STIM1: variants seen among roughly 807,000 people sequenced by gnomAD.
STIM1 encodes the protein stromal interaction molecule 1.
A neutral mutation model predicts 74.7 loss-of-function variants in STIM1; 25 were observed. That is an observed-to-expected ratio of 0.33 (90% CI 0.24 to 0.47). The LOEUF (loss-of-function observed/expected upper bound fraction) is 0.47, where lower values mean the gene tolerates loss of function less well. Ranked by LOEUF, STIM1 falls within the 20% of genes least tolerant of loss-of-function variation. The pLI, the probability that STIM1 is intolerant of heterozygous loss-of-function variation, is 1.00. For synonymous variants in STIM1, 328 were observed against 348.8 expected (o/e 0.94, Z 0.66); for missense variants, 728 against 920.8 (o/e 0.79, Z 2.71).
intron 1 of STIM1, among the ~76,000 whole-genome samples, chr11:3,948,778 A>C (rs1443579715): frequency 1.3e-5 from 2 of 152,156 alleles, no homozygotes; most frequent in Non-Finnish European, 1.5e-5. Flanking sequence ...CTAAATCTCC[A>C]GTTCTACCAT....
At chr11:3,877,633 G>C (rs1008029913) in intron 1 of STIM1, among the ~76,000 whole-genome samples, 1 of 152,150 alleles carries the variant, frequency 6.6e-6, no homozygotes, top group Non-Finnish European at 1.5e-5. Context: ...GGGTTAATCA[G>C]GTATTTATAA....
In STIM1 at chr11:3,961,206, T is replaced by G. The variant is rs577099233; in HGVS notation, c.140-6346T>G. On this transcript the variant is annotated intron_variant, in intron 1 of 12. Transcript: ENST00000526596. ...GGTCTCACTATGTTGCCCAGACAGA[T>G]TTTGAACTCCTGGGCTCAAGCAATG... 10 of 174,130 alleles carry G rather than the reference T, an allele frequency of 5.7e-5. No homozygotes were observed. In the South Asian group the frequency reaches 1.2e-3, roughly 21 times the overall value. 10.8% of individuals were successfully genotyped at this position (174,130 alleles called of 1,614,324 possible).
intron 1 of STIM1, among the ~76,000 whole-genome samples, chr11:3,895,683 C>CTTTCTT (rs1491307323): frequency 2.6e-5 from 1 of 37,964 alleles, no homozygotes; most frequent in African/African-American, 1.3e-4. Context: ...TCCTTCCTTC[C>CTTTCTT]TTCTTTCTTT....
intron 1 of STIM1, among the ~76,000 whole-genome samples, chr11:3,936,863 T>C (rs896097990): frequency 6.6e-6 from 1 of 152,196 alleles, no homozygotes; most frequent in Non-Finnish European, 1.5e-5. Context: ...CAACTTGTTT[T>C]TCTTTGTGGC....
At chr11:4,085,974 T>A (rs2094490985) in intron 11 of STIM1, among the ~76,000 whole-genome samples, 1 of 152,258 alleles carries the variant, frequency 6.6e-6, no homozygotes, top group Admixed American at 6.5e-5. Flanking sequence ...TGTTATCATT[T>A]TCCCATTGTT....
At chr11:4,057,697 C>T (rs1240340062) in intron 4 of STIM1, among the ~76,000 whole-genome samples, 1 of 151,908 alleles carries the variant, frequency 6.6e-6, no homozygotes, top group Admixed American at 6.6e-5. Context: ...GGTGAAACCC[C>T]GTCTCTACTA....
chr11:4,037,248 G>A (rs191774307), intron 3 of STIM1, among the ~76,000 whole-genome samples: 8 of 152,158 alleles, frequency 5.3e-5, no homozygotes, highest in African/African-American at 1.9e-4. Flanking sequence ...TAGAGACAGG[G>A]TTTCACCATG....
chr11:4,084,264 T>A (rs1487499414), intron 10 of STIM1, among the ~76,000 whole-genome samples: 1 of 152,260 alleles, frequency 6.6e-6, no homozygotes, highest in East Asian at 1.9e-4. Flanking sequence ...GGTAAAGCTA[T>A]TGTCCTAGGC....
At position 3,906,879 on chromosome 11, in the gene STIM1, A is replaced by G. The variant is rs539751719; in HGVS notation, c.139+50470A>G. Among the ~76,000 whole-genome samples, 5 of 152,368 alleles carry G rather than the reference A, an allele frequency of 3.3e-5. No homozygotes were observed. The East Asian group carries it at 7.7e-4, about 23-fold the overall frequency. ...ATAGGTACTATTAGTACCATCGTAT[A>G]GATAAGAAAATTGAGGGTAAAAGGT... On this transcript the variant is annotated intron_variant, in intron 1 of 12. Transcript: ENST00000526596.
At chr11:4,022,759 A>G (rs1014647780) in intron 2 of STIM1, among the ~76,000 whole-genome samples, 6 of 152,186 alleles carry the variant, frequency 3.9e-5, no homozygotes, top group Non-Finnish European at 7.3e-5. Context: ...ACACATTTCT[A>G]TCTCTACATA....
chr11:3,881,156 G>A (rs1308098630), intron 1 of STIM1, among the ~76,000 whole-genome samples: 1 of 150,184 alleles, frequency 6.7e-6, no homozygotes, highest in African/African-American at 2.5e-5. Flanking sequence ...GTACAATTCA[G>A]TGGGATTTAG....
chr11:3,982,769 T>A (rs532388263), intron 2 of STIM1, among the ~76,000 whole-genome samples: 2 of 152,310 alleles, frequency 1.3e-5, no homozygotes, highest in South Asian at 4.1e-4. Flanking sequence ...CTACAATTAG[T>A]ATGTGAATTA....
intron 1 of STIM1, among the ~76,000 whole-genome samples, chr11:3,893,419 A>T (rs1272152561): frequency 6.6e-6 from 1 of 152,232 alleles, no homozygotes; most frequent in Non-Finnish European, 1.5e-5. Flanking sequence ...TTGTGTGAAC[A>T]CTAGTTTGCT....
At chr11:3,881,564 G>A (rs976494546) in intron 1 of STIM1, among the ~76,000 whole-genome samples, 1 of 152,052 alleles carries the variant, frequency 6.6e-6, no homozygotes, top group Non-Finnish European at 1.5e-5. Flanking sequence ...GTGGAGATGG[G>A]GTTTCACCCT....
At chr11:3,958,145 T>C (rs1428753536) in intron 1 of STIM1, among the ~76,000 whole-genome samples, 1 of 152,188 alleles carries the variant, frequency 6.6e-6, no homozygotes, top group East Asian at 1.9e-4. Context: ...ATTACAGGCT[T>C]GAGCCACCGC....
intron 3 of STIM1, among the ~76,000 whole-genome samples, chr11:4,054,632 T>A (rs989545386): frequency 1.3e-5 from 2 of 152,198 alleles, no homozygotes; most frequent in Non-Finnish European, 2.9e-5. Context: ...ATGATCTAGG[T>A]GGAACAGTTT....
chr11:4,024,092 G>T, intron 3 of STIM1, 105 bp downstream of exon 3: 1 of 854,044 alleles, frequency 1.2e-6, no homozygotes, highest in Admixed American at 2.0e-5. Flanking sequence ...CTTAGTAAAG[G>T]GCAAATTATT....
intron 3 of STIM1, among the ~76,000 whole-genome samples, chr11:4,025,786 A>C (rs2093993458): frequency 6.6e-6 from 1 of 152,184 alleles, no homozygotes; most frequent in Admixed American, 6.5e-5. Context: ...TGGACTTAGC[A>C]ACTATTTGGA....
intron 2 of STIM1, among the ~76,000 whole-genome samples, chr11:3,988,899 A>G (rs1195680467): frequency 6.6e-6 from 1 of 152,236 alleles, no homozygotes; most frequent in Non-Finnish European, 1.5e-5. Flanking sequence ...CTGACAGCAA[A>G]GACAGTCAAA....
Sources: allele counts gnomAD v4.1 joint callset (sites outside exome capture counted in the v4.1 genomes callset), GRCh38; gene constraint gnomAD v4.1.1; transcripts MANE v1.5; gene names NCBI Gene and HGNC (gene_info 2026-07-23, HGNC 2026-07-21).